TRDN: variants seen among roughly 807,000 people sequenced by gnomAD.
The protein encoded by TRDN is triadin in skeletal muscle.
TRDN carries 161 observed loss-of-function variants against 149.7 expected under a neutral mutation model. The observed-to-expected ratio is 1.08, with a 90% CI of 0.95 to 1.23. The LOEUF is 1.23. Among genes scored for constraint, TRDN ranks in the 50% most tolerant of loss-of-function variants. TRDN has a pLI of 0.00. For synonymous variants in TRDN, 294 were observed against 250.5 expected (o/e 1.17, Z -1.64); for missense variants, 896 against 823.5 (o/e 1.09, Z -1.08).
At chr6:123,379,579 A>G (rs903593862) in intron 16 of TRDN, among the ~76,000 whole-genome samples, 2 of 152,332 alleles carry the variant, frequency 1.3e-5, no homozygotes, top group African/African-American at 2.4e-5. Flanking sequence ...TTGGACATGC[A>G]TCAGAATCGA....
chr6:123,565,636 C>T (rs1782246985), intron 2 of TRDN, among the ~76,000 whole-genome samples: 4 of 152,194 alleles, frequency 2.6e-5, no homozygotes, highest in South Asian at 2.1e-4. Flanking sequence ...ATAATGAAGC[C>T]ATTATTTATT....
intron 12 of TRDN, among the ~76,000 whole-genome samples, chr6:123,412,724 C>T (rs1183908735): frequency 6.6e-6 from 1 of 152,002 alleles, no homozygotes; most frequent in Non-Finnish European, 1.5e-5. Context: ...CTTTTAGTAA[C>T]TTCTATGAAT....
At chr6:123,315,233 GT>G (rs1239627823) in intron 24 of TRDN, among the ~76,000 whole-genome samples, 2 of 151,748 alleles carry the variant, frequency 1.3e-5, no homozygotes, top group Admixed American at 6.6e-5. Flanking sequence ...TTTGTACGCA[GT>G]TTTTCCTTTT....
intron 9 of TRDN, among the ~76,000 whole-genome samples, chr6:123,484,084 T>C (rs553310493): frequency 6.6e-6 from 1 of 152,284 alleles, no homozygotes; most frequent in African/African-American, 2.4e-5. Flanking sequence ...GTAACGTTAA[T>C]GTTAATATTG....
intron 2 of TRDN, among the ~76,000 whole-genome samples, chr6:123,565,319 C>G (rs1327424361): frequency 6.6e-6 from 1 of 152,134 alleles, no homozygotes; most frequent in Non-Finnish European, 1.5e-5. Context: ...GTCCTCCCAT[C>G]CCCCACTTAG....
intron 1 of TRDN, among the ~76,000 whole-genome samples, chr6:123,585,005 T>G (rs1783378523): frequency 6.6e-6 from 1 of 151,972 alleles, no homozygotes; most frequent in Non-Finnish European, 1.5e-5. Flanking sequence ...TAACAGGCTT[T>G]AATCCTTTCA....
At chr6:123,578,911 A>G (rs1335622470) in intron 1 of TRDN, among the ~76,000 whole-genome samples, 1 of 152,008 alleles carries the variant, frequency 6.6e-6, no homozygotes, top group Non-Finnish European at 1.5e-5. Context: ...TGTGTGTGGC[A>G]ATTGTGAATG....
At chr6:123,263,995 T>C (rs1562236083) in intron 33 of TRDN, among the ~76,000 whole-genome samples, 2 of 152,200 alleles carry the variant, frequency 1.3e-5, no homozygotes, top group East Asian at 1.9e-4. Flanking sequence ...TCATTGACAA[T>C]GCACCTGGTC....
intron 16 of TRDN, among the ~76,000 whole-genome samples, chr6:123,378,418 T>A (rs1033588719): frequency 1.3e-5 from 2 of 151,640 alleles, no homozygotes; most frequent in African/African-American, 4.8e-5. Context: ...TAGCTGGGAT[T>A]ACAGGCACAC....
At chr6:123,517,984 C>T (rs2114264666) in intron 5 of TRDN, among the ~76,000 whole-genome samples, 1 of 152,132 alleles carries the variant, frequency 6.6e-6, no homozygotes, top group South Asian at 2.1e-4. Flanking sequence ...GTCTCAGTCA[C>T]ATAGTGGACT....
At position 123,548,583 on chromosome 6, in the gene TRDN, G is replaced by T; in HGVS notation, c.262C>A (p.Pro88Thr). ...ATAGCATCACGTACCAGTTTTAAAG[G>T]ATCTGAGCCAATCTTGGCAATAGAG... ...ASSIAKIGSDPLKLVRDAMEE... is the reference protein window; with the variant it reads ...ASSIAKIGSDTLKLVRDAMEE... The change falls in exon 3 of 41, where the codon CCT (proline) becomes ACT (threonine). Residue 88 changes from proline (P) to threonine (T), a missense_variant. Coordinates refer to ENST00000334268, the MANE Select transcript of TRDN (RefSeq NM_006073.4). The T allele has an allele frequency of 1.3e-6, 2 of 1,516,008 alleles. No homozygotes were observed. Among genetic ancestry groups the T allele is most frequent in the Non-Finnish European group, 8.8e-7 (1 of 1,131,726 alleles). 93.9% of individuals were successfully genotyped at this position (1,516,008 alleles called of 1,614,324 possible). A position where few individuals can be genotyped will look rare whatever the true frequency, so the allele number is the denominator to read the frequency against.
At chr6:123,271,838 G>C (rs1480767332) in intron 29 of TRDN, among the ~76,000 whole-genome samples, 1 of 151,990 alleles carries the variant, frequency 6.6e-6, no homozygotes. Flanking sequence ...TAAAGAGCAT[G>C]GTGGTGTAAC....
intron 1 of TRDN, among the ~76,000 whole-genome samples, chr6:123,596,451 G>A (rs888985585): frequency 1.3e-5 from 2 of 152,126 alleles, no homozygotes; most frequent in African/African-American, 4.8e-5. Flanking sequence ...TAAGATGATG[G>A]ATGAAAATGG....
chr6:123,631,334 A>G (rs1054813551), intron 1 of TRDN, among the ~76,000 whole-genome samples: 3 of 151,964 alleles, frequency 2.0e-5, no homozygotes, highest in African/African-American at 7.2e-5. Flanking sequence ...TTCTTGCATC[A>G]TGTTGACTTC....
At chr6:123,342,926 C>A (rs1259379540) in intron 21 of TRDN, among the ~76,000 whole-genome samples, 2 of 152,068 alleles carry the variant, frequency 1.3e-5, no homozygotes, top group Admixed American at 1.3e-4. Flanking sequence ...CCACAACTAT[C>A]TGTTGAATGA....
chr6:123,604,823 GTAAA>G (rs373967153), intron 1 of TRDN, among the ~76,000 whole-genome samples: 2 of 140,818 alleles, frequency 1.4e-5, no homozygotes, highest in East Asian at 4.9e-4. Flanking sequence ...TAGAAAGTAG[GTAAA>G]TAAACAGACA....
At chr6:123,603,037 A>G (rs1465932550) in intron 1 of TRDN, among the ~76,000 whole-genome samples, 1 of 152,142 alleles carries the variant, frequency 6.6e-6, no homozygotes, top group East Asian at 1.9e-4. Flanking sequence ...GTTCTCACTT[A>G]AATTTCAGAT....
At chr6:123,309,185 A>G (rs1778721965) in intron 24 of TRDN, among the ~76,000 whole-genome samples, 1 of 151,930 alleles carries the variant, frequency 6.6e-6, no homozygotes, top group Non-Finnish European at 1.5e-5. Context: ...CAAGAATCCA[A>G]ATTTCACTTT....
intron 29 of TRDN, among the ~76,000 whole-genome samples, chr6:123,272,387 TTAAA>T (rs1287511615): frequency 6.6e-6 from 1 of 152,052 alleles, no homozygotes; most frequent in East Asian, 1.9e-4. Flanking sequence ...GTTTTTATTC[TTAAA>T]TAAAAATTAA....
Sources: allele counts gnomAD v4.1 joint callset (sites outside exome capture counted in the v4.1 genomes callset), GRCh38; gene constraint gnomAD v4.1.1; transcripts MANE v1.5; gene names NCBI Gene and HGNC (gene_info 2026-07-23, HGNC 2026-07-21).